Variants in ROBO2 observed in about 807,000 individuals in gnomAD.
ROBO2 encodes the protein roundabout homolog 2.
ROBO2 carries 53 observed loss-of-function variants against 160.8 expected under a neutral mutation model. The ratio of observed to expected loss-of-function variants is 0.33; its 90% CI spans 0.26 to 0.41. The LOEUF (loss-of-function observed/expected upper bound fraction) is 0.41. ROBO2 is among the 10% of genes least tolerant of loss of function. The pLI is 1.00. For missense variants in ROBO2, 1,577 were observed against 1,722.4 expected (o/e 0.92, Z 1.49); for synonymous variants, 664 against 611.7 (o/e 1.09, Z -1.26).
chr3:76,122,008 A>T (rs968667825), intron 2 of ROBO2, among the ~76,000 whole-genome samples: 2 of 152,212 alleles, frequency 1.3e-5, no homozygotes, highest in Admixed American at 1.3e-4. Context: ...TATTTACCCC[A>T]TACAGTTGAC....
chr3:76,573,213 G>A (rs2085060554), intron 2 of ROBO2, among the ~76,000 whole-genome samples: 1 of 152,052 alleles, frequency 6.6e-6, no homozygotes, highest in Non-Finnish European at 1.5e-5. Context: ...TATCAGCCAT[G>A]TGATTTGGGC....
intron 2 of ROBO2, among the ~76,000 whole-genome samples, chr3:77,443,521 A>C (rs2080162780): frequency 6.6e-6 from 1 of 152,186 alleles, no homozygotes; most frequent in Non-Finnish European, 1.5e-5. Flanking sequence ...AGTATGTCAA[A>C]ATAATATTGA....
At chr3:76,877,040 A>C (rs2148716700) in intron 2 of ROBO2, among the ~76,000 whole-genome samples, 1 of 152,302 alleles carries the variant, frequency 6.6e-6, no homozygotes, top group South Asian at 2.1e-4. Flanking sequence ...AGGTAAAAGG[A>C]TATTTTACAT....
chr3:76,801,498 TTGTA>T (rs1236128145), intron 2 of ROBO2, among the ~76,000 whole-genome samples: 1 of 152,050 alleles, frequency 6.6e-6, no homozygotes, highest in East Asian at 1.9e-4. Flanking sequence ...TTATTAAACA[TTGTA>T]TGCCTGTATG....
chr3:76,742,201 T>C (rs1385813326), intron 2 of ROBO2, among the ~76,000 whole-genome samples: 1 of 150,512 alleles, frequency 6.6e-6, no homozygotes, highest in East Asian at 1.9e-4. Context: ...GATAAAGATG[T>C]TCTACATATT....
chr3:75,995,737 A>C (rs533956746), intron 2 of ROBO2, among the ~76,000 whole-genome samples: 85 of 152,284 alleles, frequency 5.6e-4, no homozygotes, highest in South Asian at 1.5e-3. Context: ...CCACAAAAGC[A>C]GTTGGGAGAG....
chr3:76,088,197 C>T (rs975075896), intron 2 of ROBO2, among the ~76,000 whole-genome samples: 5 of 152,144 alleles, frequency 3.3e-5, no homozygotes, highest in Admixed American at 6.5e-5. Context: ...TGCGTATGCA[C>T]CTAACATCAG....
rs150240317 is a variant in ROBO2, at chr3:77,200,573, C to T, written c.388+102233C>T. ...AGGGTCCCATGAACAGTTCTTTTGT[C>T]TTGCATAAAGACGATGCTCCTAGTC... On this transcript the variant is annotated intron_variant, in intron 2 of 25. Coordinates refer to ENST00000461745, the Ensembl canonical transcript of ROBO2. Among the ~76,000 whole-genome samples, 20 of 151,866 alleles carry T rather than the reference C, an allele frequency of 1.3e-4. No homozygotes were observed. The East Asian group carries it at 3.5e-3, about 27-fold the overall frequency.
At chr3:77,491,410 C>G (rs2086093281) in intron 4 of ROBO2, among the ~76,000 whole-genome samples, 1 of 152,122 alleles carries the variant, frequency 6.6e-6, no homozygotes, top group South Asian at 2.1e-4. Flanking sequence ...ATAGCTGCGC[C>G]TGATAGCACA....
chr3:76,255,014 A>G (rs1383890335), intron 2 of ROBO2, among the ~76,000 whole-genome samples: 1 of 152,066 alleles, frequency 6.6e-6, no homozygotes, highest in African/African-American at 2.4e-5. Flanking sequence ...AGATAAATGG[A>G]AAGTTTAGGC....
chr3:76,482,600 A>G (rs564175234), intron 2 of ROBO2, among the ~76,000 whole-genome samples: 96 of 152,202 alleles, frequency 6.3e-4, no homozygotes, highest in Non-Finnish European at 1.3e-3. Context: ...TTATCTCTAG[A>G]GACGTAGGTT....
chr3:77,172,329 A>G (rs78055435), intron 2 of ROBO2, among the ~76,000 whole-genome samples: 4,001 of 152,218 alleles, frequency 0.026, 233 homozygotes, highest in East Asian at 0.25. Context: ...GTTATCTCCT[A>G]TCTGTGTGGC....
chr3:76,401,185 G>A (rs925712152), intron 2 of ROBO2, among the ~76,000 whole-genome samples: 5 of 151,472 alleles, frequency 3.3e-5, no homozygotes, highest in Non-Finnish European at 5.9e-5. Flanking sequence ...GTAGTCTTCA[G>A]GACTCAGTCA....
At chr3:75,980,103 G>A (rs2065236177) in intron 2 of ROBO2, among the ~76,000 whole-genome samples, 1 of 151,522 alleles carries the variant, frequency 6.6e-6, no homozygotes, top group Non-Finnish European at 1.5e-5. Flanking sequence ...ACCAGTTGAA[G>A]TGCTCACTTT....
At chr3:77,496,676 C>A (rs992343038) in intron 5 of ROBO2, among the ~76,000 whole-genome samples, 1 of 152,070 alleles carries the variant, frequency 6.6e-6, no homozygotes, top group Non-Finnish European at 1.5e-5. Context: ...AGGGCAGCTG[C>A]ATAGCCTGTA....
intron 2 of ROBO2, among the ~76,000 whole-genome samples, chr3:76,979,111 T>C (rs1197849556): frequency 6.6e-6 from 1 of 151,762 alleles, no homozygotes; most frequent in Non-Finnish European, 1.5e-5. Context: ...CCTGGATATT[T>C]TTTGTGTTTT....
intron 2 of ROBO2, among the ~76,000 whole-genome samples, chr3:76,349,258 T>C (rs1458825412): frequency 1.3e-5 from 2 of 152,142 alleles, no homozygotes; most frequent in Non-Finnish European, 2.9e-5. Context: ...AATGATAGCA[T>C]ATATAATTGA....
chr3:77,305,812 G>A (rs1245363895), intron 2 of ROBO2, among the ~76,000 whole-genome samples: 1 of 152,070 alleles, frequency 6.6e-6, no homozygotes, highest in African/African-American at 2.4e-5. Context: ...AAATTTATTC[G>A]ACGTTCTCCA....
intron 2 of ROBO2, among the ~76,000 whole-genome samples, chr3:77,203,059 G>A (rs866949129): frequency 7.9e-5 from 12 of 152,324 alleles, no homozygotes; most frequent in Middle Eastern, 6.8e-3. Flanking sequence ...ATGGTGTAAA[G>A]TCAGTTGGGA....
Sources: allele counts gnomAD v4.1 joint callset (sites outside exome capture counted in the v4.1 genomes callset), GRCh38; gene constraint gnomAD v4.1.1; transcripts MANE v1.5; gene names NCBI Gene and HGNC (gene_info 2026-07-23, HGNC 2026-07-21).